Variants in ARID3A observed in about 807,000 individuals in gnomAD.
ARID3A encodes the protein AT-rich interactive domain-containing protein 3A.
ARID3A carries 11 observed loss-of-function variants against 52.7 expected under a neutral mutation model. The observed-to-expected ratio is 0.21, with a 90% CI of 0.13 to 0.35. The LOEUF is 0.35. Among genes scored for constraint, ARID3A ranks in the 10% least tolerant of loss-of-function variants. ARID3A has a pLI of 1.00. For missense variants in ARID3A, 721 were observed against 838.5 expected (o/e 0.86, Z 1.73); for synonymous variants, 404 against 359.4 (o/e 1.12, Z -1.40).
chr19:952,441 CAAAAAAAAAAAAAAAAA>C (rs10663796), intron 3 of ARID3A, among the ~76,000 whole-genome samples: 1 of 59,768 alleles, frequency 1.7e-5, no homozygotes, highest in South Asian at 9.6e-4. Context: ...GACCCTGTCT[CAAAAAAAAAAAAAAAAA>C]AAAAAAAAAG....
At chr19:934,211 C>T (rs1383340982) in intron 3 of ARID3A, among the ~76,000 whole-genome samples, 4 of 152,168 alleles carry the variant, frequency 2.6e-5, no homozygotes, top group Non-Finnish European at 5.9e-5. Flanking sequence ...GAGGGAGGGT[C>T]AAGGCCCCCC....
intron 3 of ARID3A, among the ~76,000 whole-genome samples, chr19:934,924 C>T (rs2037407741): frequency 6.6e-6 from 1 of 152,164 alleles, no homozygotes; most frequent in South Asian, 2.1e-4. Flanking sequence ...GGGATCTTAT[C>T]CTGGGCTGTT....
At chr19:946,585 C>G (rs1011826343) in intron 3 of ARID3A, among the ~76,000 whole-genome samples, 1 of 151,068 alleles carries the variant, frequency 6.6e-6, no homozygotes, top group Non-Finnish European at 1.5e-5. Context: ...GGACTACAGG[C>G]GCCCGCCACC....
intron 8 of ARID3A, among the ~76,000 whole-genome samples, chr19:971,340 A>G (rs1188525258): frequency 6.6e-6 from 1 of 152,162 alleles, no homozygotes; most frequent in African/African-American, 2.4e-5. Context: ...TGCCAGCCAC[A>G]GTGGCTCATG....
Position 949,076 on chromosome 19 carries a change from G to A in ARID3A, c.694-11016G>A, listed in dbSNP as rs143557112. Among the ~76,000 whole-genome samples, 151 of 152,264 alleles carry A rather than the reference G, an allele frequency of 9.9e-4. 1 individual carries two copies. The highest frequency in any genetic ancestry group is 3.1e-3 in the African/African-American group (128 of 41,554). On this transcript the variant is annotated intron_variant, in intron 3 of 8. Transcript: ENST00000263620. ...GGTGCACTCTGGCCGCCTCCTTCCC[G>A]CCTCTCCGGACTGTGGACAAGTGAA... is the stretch of plus-strand genomic sequence containing the variant.
intron 8 of ARID3A, among the ~76,000 whole-genome samples, chr19:969,094 T>A (rs1286822976): frequency 1.3e-5 from 2 of 151,540 alleles, no homozygotes; most frequent in African/African-American, 4.9e-5. Flanking sequence ...TGAAAAAAAA[T>A]TTAATGAATG....
rs2037646691 is a variant in ARID3A, at chr19:944,977, CT to C, written c.693+12237del. 6.6e-6 allele frequency among the ~76,000 whole-genome samples: 1 copy of C among 152,182 alleles called. No individual in the cohort carries two copies. Among genetic ancestry groups the C allele is most frequent in the African/African-American group, 2.4e-5 (1 of 41,444 alleles). ...CCTTCCACCACGTCGCCCTGTAATT[CT>C]TCCCTGACGGCCATTTTTCCGGGAG... On this transcript the variant is annotated intron_variant, in intron 3 of 8. Transcript: ENST00000263620. The surrounding 1 kb of genome is among the most constrained non-coding windows in gnomAD (Gnocchi z 5.9).
chr19:963,092 C>T (rs1034857315), intron 4 of ARID3A, among the ~76,000 whole-genome samples: 8 of 152,100 alleles, frequency 5.3e-5, no homozygotes, highest in Non-Finnish European at 1.2e-4. Context: ...GGTCAGACAC[C>T]GGGGGTTCCG....
Position 973,103 on chromosome 19 carries a change from A to ATTTTTTTTTTTTTTTTTTTTTTTTT in ARID3A, c.*1038_*1039insTTTTTTTTTTTTTTTTTTTTTTTTT, listed in dbSNP as rs1568378193. 7.1e-5 allele frequency: 1 copy of ATTTTTTTTTTTTTTTTTTTTTTTTT among 13,990 alleles called. No individual in the cohort carries two copies. The highest frequency in any genetic ancestry group is 2.2e-4 in the Non-Finnish European group (1 of 4,536). The allele number at this position is 13,990 out of a possible 1,614,324, so 0.9% of individuals were successfully genotyped here. A position where few individuals can be genotyped will look rare whatever the true frequency, so the allele number is the denominator to read the frequency against. ...TGGGCTCTCGAGTCAGGGGCCTGGA[A>ATTTTTTTTTTTTTTTTTTTTTTTTT]ATTTTTTTTTTTTTTTTTTTTTGAG... is the stretch of plus-strand genomic sequence containing the variant. On this transcript the variant is annotated 3_prime_UTR_variant, in exon 9 of 9. Transcript: ENST00000263620.
In ARID3A at chr19:964,599, G is replaced by A. The variant is rs1391532788; in HGVS notation, c.950+168G>A. Among the ~76,000 whole-genome samples the A allele has an allele frequency of 1.3e-5, 2 of 152,174 alleles. No individual in the cohort carries two copies. Among genetic ancestry groups the A allele is most frequent in the East Asian group, 1.9e-4 (1 of 5,194 alleles). On this transcript the variant is annotated intron_variant, in intron 5 of 8. Transcript: ENST00000263620. This position sits in a 1 kb window ranked among gnomAD's most constrained non-coding sequence, Gnocchi z 5.7. ...TGCGTCCAGGGCCCGAGAGCGTCAA[G>A]TAGGGGTGCGAGGACCACACAGTCT...
intron 6 of ARID3A, chr19:965,330 A>C (rs1487946259): frequency 2.0e-6 from 1 of 500,418 alleles, no homozygotes; most frequent in Non-Finnish European, 3.6e-6. Context: ...CCTGTGGCCA[A>C]GGCAGACATT....
At position 975,681 on chromosome 19, in the gene ARID3A, C is replaced by T; in HGVS notation, c.*3616C>T. 5.2e-6 allele frequency: 1 copy of T among 194,048 alleles called. No individual in the cohort carries two copies. The highest frequency in any genetic ancestry group is 7.9e-5 in the East Asian group (1 of 12,718). The allele number at this position is 194,048 out of a possible 1,614,324, so 12.0% of individuals were successfully genotyped here. On this transcript the variant is annotated 3_prime_UTR_variant, in exon 9 of 9. Transcript: ENST00000263620. Reference sequence around the variant, plus strand: ...GGCCCAGCCTGTCTCGCCCTGGCCGCGGCAGGGTGGCCTGTAACAATTTCA... The same window carrying T: ...GGCCCAGCCTGTCTCGCCCTGGCCGTGGCAGGGTGGCCTGTAACAATTTCA...
intron 8 of ARID3A, among the ~76,000 whole-genome samples, chr19:970,966 T>C (rs1424995348): frequency 6.6e-6 from 1 of 152,074 alleles, no homozygotes; most frequent in Non-Finnish European, 1.5e-5. Context: ...GGAAATCAGA[T>C]GTAAAACGTG....
At chr19:970,509 T>C (rs1036649983) in intron 8 of ARID3A, among the ~76,000 whole-genome samples, 3 of 138,874 alleles carry the variant, frequency 2.2e-5, no homozygotes, top group Non-Finnish European at 4.7e-5. Flanking sequence ...TTTTTTTTTT[T>C]TTTTTTTTTT....
chr19:953,195 T>A (rs776559169), intron 3 of ARID3A, among the ~76,000 whole-genome samples: 4 of 152,028 alleles, frequency 2.6e-5, no homozygotes, highest in Non-Finnish European at 5.9e-5. Context: ...CTGGGACTTA[T>A]CTTGCACCCT....
Position 942,772 on chromosome 19 carries a change from G to C in ARID3A, c.693+10030G>C, listed in dbSNP as rs1055101137. Reference sequence around the variant, plus strand: ...TAGTGCCCAGATTCCATGCCCAGCAGCCTCCTCTGCCACCCTCAGAGACGG... The same window carrying C: ...TAGTGCCCAGATTCCATGCCCAGCACCCTCCTCTGCCACCCTCAGAGACGG... On this transcript the variant is annotated intron_variant, in intron 3 of 8. Transcript: ENST00000263620. This position sits in a 1 kb window ranked among gnomAD's most constrained non-coding sequence, Gnocchi z 8.1. 6.6e-6 allele frequency among the ~76,000 whole-genome samples: 1 copy of C among 152,210 alleles called. No individual in the cohort carries two copies. Among genetic ancestry groups the C allele is most frequent in the African/African-American group, 2.4e-5 (1 of 41,452 alleles).
intron 2 of ARID3A, among the ~76,000 whole-genome samples, chr19:931,378 G>T (rs540628779): frequency 1.5e-4 from 22 of 148,662 alleles, no homozygotes; most frequent in African/African-American, 5.6e-4. Context: ...CTTGAACCTG[G>T]GAGGCAGAGG....
intron 3 of ARID3A, among the ~76,000 whole-genome samples, chr19:951,786 C>T (rs964097601): frequency 1.3e-5 from 2 of 152,172 alleles, no homozygotes; most frequent in Non-Finnish European, 2.9e-5. Context: ...TAGAGGAAAA[C>T]ATACTTCTTC....
At chr19:955,233 C>T (rs1048264407) in intron 3 of ARID3A, among the ~76,000 whole-genome samples, 2 of 152,234 alleles carry the variant, frequency 1.3e-5, no homozygotes, top group Non-Finnish European at 2.9e-5. Context: ...ATCCCTGGGG[C>T]CTCGGCCAGC....
Sources: allele counts gnomAD v4.1 joint callset (sites outside exome capture counted in the v4.1 genomes callset), GRCh38; gene constraint gnomAD v4.1.1; non-coding constraint Gnocchi (gnomAD v3.1); transcripts MANE v1.5; gene names NCBI Gene and HGNC (gene_info 2026-07-23, HGNC 2026-07-21).